IQGAP3: variants seen among roughly 807,000 people sequenced by gnomAD.
IQGAP3 encodes ras GTPase-activating-like protein IQGAP3.
In IQGAP3, 165 loss-of-function variants were observed where a neutral mutation model predicts 208.2. That is an observed-to-expected ratio of 0.79 (90% CI 0.70 to 0.90). The LOEUF (loss-of-function observed/expected upper bound fraction) is 0.90, where lower values mean the gene tolerates loss of function less well. Among genes scored for constraint, IQGAP3 ranks in the 40% least tolerant of loss-of-function variants. IQGAP3 has a pLI of 0.00. For synonymous variants in IQGAP3, 703 were observed against 803.6 expected (o/e 0.87, Z 2.12); for missense variants, 1,811 against 2,043.1 (o/e 0.89, Z 2.19).
At chr1:156,535,452 TTA>T (rs1674646364) in intron 27 of IQGAP3, among the ~76,000 whole-genome samples, 1 of 152,132 alleles carries the variant, frequency 6.6e-6, no homozygotes, top group Admixed American at 6.5e-5. Context: ...TCCTCCTGCC[TTA>T]TGTCAGTAGT....
intron 22 of IQGAP3, among the ~76,000 whole-genome samples, chr1:156,543,119 AAAG>A (rs1490893089): frequency 6.6e-6 from 1 of 152,180 alleles, no homozygotes. Flanking sequence ...AAGAGAAGAA[AAAG>A]AAGATAAAGA....
chr1:156,544,910 A>C (rs1675159055), intron 19 of IQGAP3, among the ~76,000 whole-genome samples: 1 of 152,242 alleles, frequency 6.6e-6, no homozygotes, highest in African/African-American at 2.4e-5. Context: ...ATGTGCACAG[A>C]AAGTGGGCAG....
At chr1:156,566,295 G>T in intron 3 of IQGAP3, 95 bp downstream of exon 3, 1 of 1,374,398 alleles carries the variant, frequency 7.3e-7, no homozygotes, top group South Asian at 1.3e-5. Context: ...TCCAGATTTG[G>T]ACAATAAGTT....
At chr1:156,540,992 GC>G in intron 22 of IQGAP3, 76 bp from the exon 23 acceptor site, 1 of 1,191,560 alleles carries the variant, frequency 8.4e-7, no homozygotes, top group Non-Finnish European at 1.2e-6. Context: ...GCCCGAGTCA[GC>G]CCACCCCAGT....
chr1:156,544,470 A>C lies in IQGAP3; in HGVS notation c.2307T>G (p.Ala769=). The change falls in exon 20 of 38, where the codon GCT becomes GCG. Residue 769 remains alanine, a splice_region_variant and synonymous_variant. Coordinates refer to ENST00000361170, the MANE Select transcript of IQGAP3 (RefSeq NM_178229.5). ...TWLPAVIKIQ[A]HWRGYRQRKI... ...TCCGCTGCCTATAACCCCGCCAATG[A>C]GCCTGCACATCAGGAGAGAAAGGGA... 1 of 1,613,582 alleles carries C rather than the reference A, an allele frequency of 6.2e-7. No homozygotes were observed. The highest frequency in any genetic ancestry group is 1.1e-5 in the South Asian group (1 of 91,074).
Position 156,529,637 on chromosome 1 carries a change from T to G in IQGAP3, c.4404+468A>C, listed in dbSNP as rs183699520. On this transcript the variant is annotated intron_variant, in intron 34 of 37. Coordinates refer to ENST00000361170, the MANE Select transcript of IQGAP3 (RefSeq NM_178229.5). ...CTGTCTCTACTAAAAATACAAAAATTTGGCTGGGTGCAGTGGCTCACACCT... is the reference window on the plus strand; with the variant it reads ...CTGTCTCTACTAAAAATACAAAAATGTGGCTGGGTGCAGTGGCTCACACCT... Among the ~76,000 whole-genome samples the G allele has an allele frequency of 2.9e-3, 437 of 151,720 alleles. 2 individuals are homozygous for G. The highest frequency in any genetic ancestry group is 4.7e-3 in the Non-Finnish European group (317 of 67,908).
At position 156,533,890 on chromosome 1, in the gene IQGAP3, A is replaced by C; in HGVS notation, c.3874-15T>G. On this transcript the variant is annotated splice_polypyrimidine_tract_variant and intron_variant, in intron 30 of 37. Transcript: ENST00000361170. ...TCCAGCAACAGCTGCAGGACGGAGA[A>C]AGAAAAGGAGATGCAGGGTCTGAGC... is the stretch of plus-strand genomic sequence containing the variant. 1 of 1,606,092 alleles carries C rather than the reference A, an allele frequency of 6.2e-7. No individual in the cohort carries two copies. Among genetic ancestry groups the C allele is most frequent in the Non-Finnish European group, 8.5e-7 (1 of 1,175,512 alleles).
intron 4 of IQGAP3, among the ~76,000 whole-genome samples, chr1:156,565,581 C>T (rs1676365337): frequency 6.6e-6 from 1 of 152,206 alleles, no homozygotes; most frequent in South Asian, 2.1e-4. Context: ...CAGGGCAGGG[C>T]TCACTATCCC....
intron 1 of IQGAP3, among the ~76,000 whole-genome samples, chr1:156,569,718 A>C (rs1369978673): frequency 6.6e-6 from 1 of 151,812 alleles, no homozygotes; most frequent in African/African-American, 2.4e-5. Context: ...ACAGGGTTTC[A>C]CCATGTTAGC....
chr1:156,537,449 T>G, intron 26 of IQGAP3, 128 bp from the exon 27 acceptor site: 1 of 887,364 alleles, frequency 1.1e-6, no homozygotes, highest in Non-Finnish European at 1.6e-6. Flanking sequence ...CAGCTCAGCA[T>G]GCTAAAGGAG....
intron 26 of IQGAP3, among the ~76,000 whole-genome samples, chr1:156,538,151 C>T (rs558030541): frequency 8.2e-4 from 125 of 152,304 alleles, no homozygotes; most frequent in African/African-American, 2.8e-3. Flanking sequence ...AGCTCTGCCT[C>T]CCAGATTCAT....
At chr1:156,534,455 G>A (rs375825468) in intron 29 of IQGAP3, 46 bp downstream of exon 29, 1 of 1,381,738 alleles carries the variant, frequency 7.2e-7, no homozygotes, top group Non-Finnish European at 9.9e-7. Context: ...GATGTCAAAG[G>A]TGAGAAGAGG....
rs1464125228 is a variant in IQGAP3 at position 156,557,066 on chromosome 1, G to A, written c.1130-373C>T. Among the ~76,000 whole-genome samples, 10 of 9,236 alleles carry A rather than the reference G, an allele frequency of 1.1e-3. 5 individuals carry two copies. The highest frequency in any genetic ancestry group is 1.2e-3 in the African/African-American group (10 of 8,686). 6.1% of individuals were successfully genotyped at this position (9,236 alleles called of 152,430 possible). A position where few individuals can be genotyped will look rare whatever the true frequency, so the allele number is the denominator to read the frequency against. The stretch of plus-strand genomic sequence containing the variant: ...AAACCCTCTGCCTGGCAACCGCCCC[G>A]TCTGAGAAGTGAGGAGCCCCTCCGT... On this transcript the variant is annotated intron_variant, in intron 11 of 37. Transcript: ENST00000361170.
Position 156,556,935 on chromosome 1 carries a change from T to TAAGGTGGTGAGCACAAGATTGACAG in IQGAP3, c.1130-243_1130-242insCTGTCAATCTTGTGCTCACCACCTT, listed in dbSNP as rs143644649. Among the ~76,000 whole-genome samples, 20 of 41,620 alleles carry TAAGGTGGTGAGCACAAGATTGACAG rather than the reference T, an allele frequency of 4.8e-4. 3 individuals carry two copies. The highest frequency in any genetic ancestry group is 9.3e-4 in the African/African-American group (16 of 17,264). The allele number at this position is 41,620 out of a possible 152,430, so 27.3% of individuals were successfully genotyped here. The stretch of plus-strand genomic sequence containing the variant: ...CCTAGAAATTGAGTAGCTCAGCCTC[T>TAAGGTGGTGAGCACAAGATTGACAG]GCCCCGCCGCCCTGTCTGGGATGTG... On this transcript the variant is annotated intron_variant, in intron 11 of 37. Transcript: ENST00000361170.
At chr1:156,550,178 G>T in intron 16 of IQGAP3, 83 bp downstream of exon 16, 1 of 932,972 alleles carries the variant, frequency 1.1e-6, no homozygotes, top group East Asian at 2.5e-5. Flanking sequence ...TGGTGACCAG[G>T]GAGGCTGCCT....
chr1:156,557,307 G>A (rs1435274594), intron 11 of IQGAP3, among the ~76,000 whole-genome samples: 1 of 6,384 alleles, frequency 1.6e-4, no homozygotes, highest in African/African-American at 1.7e-4. Context: ...TCAGCCCCCC[G>A]CCCGGCCAGC....
chr1:156,541,709 T>C (rs952206242), intron 22 of IQGAP3, among the ~76,000 whole-genome samples: 4 of 151,566 alleles, frequency 2.6e-5, no homozygotes, highest in African/African-American at 9.7e-5. Context: ...AATGAAGGAG[T>C]CAGATTTGGA....
At chr1:156,527,781 G>T (rs1478305928) in intron 37 of IQGAP3, among the ~76,000 whole-genome samples, 171 bp downstream of exon 37, 1 of 152,174 alleles carries the variant, frequency 6.6e-6, no homozygotes, top group Non-Finnish European at 1.5e-5. Context: ...GGAAAGGGGG[G>T]CTTGGGCTGC....
At position 156,552,044 on chromosome 1, in the gene IQGAP3, G is replaced by C. The variant is rs753048833; in HGVS notation, c.1500C>G (p.Asp500Glu). 1 of 1,614,100 alleles carries C rather than the reference G, an allele frequency of 6.2e-7. No individual in the cohort carries two copies. The highest frequency in any genetic ancestry group is 8.5e-7 in the Non-Finnish European group (1 of 1,180,042). ...KLRQERGMGE[D>E]FLSWNDLQAT... ...CCTGCAGGTCATTCCAGCTCAGGAA[G>C]TCCTCACCCATCCCACGCTCCTGTC... Residue 500 changes from aspartate to glutamate, a missense_variant, in exon 14 of 38, where the codon GAC (aspartate) becomes GAG (glutamate). Asp to Glu is a conservative substitution (Grantham distance 45). Coordinates refer to ENST00000361170, the MANE Select transcript of IQGAP3 (RefSeq NM_178229.5).
Sources: gnomAD v4.1 joint callset for allele counts (sites outside exome capture counted in the v4.1 genomes callset) on GRCh38, gnomAD v4.1.1 for gene constraint, MANE v1.5 for transcripts, NCBI Gene and HGNC (gene_info 2026-07-23, HGNC 2026-07-21) for gene names.